SORCS3: variants seen among roughly 807,000 people sequenced by gnomAD.
SORCS3 encodes VPS10 domain-containing receptor SorCS3.
A neutral mutation model predicts 146.3 loss-of-function variants in SORCS3; 57 were observed. That is an observed-to-expected ratio of 0.39 (90% CI 0.31 to 0.49). SORCS3 has a LOEUF of 0.49. Ranked by LOEUF, SORCS3 falls within the 20% of genes least tolerant of loss-of-function variation. The probability of loss-of-function intolerance (pLI) is 0.92; values close to 1 mark genes in which losing one functional copy is unlikely to be tolerated. For synonymous variants in SORCS3, 653 were observed against 618.5 expected (o/e 1.06, Z -0.83); for missense variants, 1,341 against 1,575.5 (o/e 0.85, Z 2.52).
intron 3 of SORCS3, among the ~76,000 whole-genome samples, chr10:104,976,111 G>T (rs1021480739): frequency 1.3e-5 from 2 of 152,190 alleles, no homozygotes; most frequent in Non-Finnish European, 2.9e-5. Flanking sequence ...ACTACCATCA[G>T]AGTGAACAGG....
At position 104,641,900 on chromosome 10, in the gene SORCS3, C is replaced by T. The variant is rs756207732; in HGVS notation, c.573C>T (p.Thr191=). 54 of 1,595,228 alleles carry T rather than the reference C, an allele frequency of 3.4e-5. No homozygotes were observed. Among genetic ancestry groups the T allele is most frequent in the Non-Finnish European group, 4.1e-5 (48 of 1,176,754 alleles). ...LRLPSTSFAL[T]GDSAHNQAMV... is the part of the protein sequence containing the mutation. ...TGCCCAGCACCTCCTTCGCGCTGAC[C>T]GGGGACTCGGCCCACAACCAAGCCA... Residue 191 remains threonine (T), a synonymous_variant, in exon 1 of 27, where the codon ACC becomes ACT. Transcript: ENST00000369701. The surrounding 1 kb of genome is among the most constrained non-coding windows in gnomAD (Gnocchi z 6.4).
chr10:105,207,496 T>A (rs1487867852), intron 16 of SORCS3, among the ~76,000 whole-genome samples: 1 of 152,130 alleles, frequency 6.6e-6, no homozygotes, highest in East Asian at 1.9e-4. Context: ...AGCAGTAGAC[T>A]TCCCCGAGGC....
intron 1 of SORCS3, among the ~76,000 whole-genome samples, chr10:104,794,659 G>GAGAGAA (rs1564685573): frequency 6.1e-5 from 9 of 146,420 alleles, no homozygotes; most frequent in Non-Finnish European, 6.0e-5. Flanking sequence ...GAGAGAGAGA[G>GAGAGAA]AATATTATCC....
At chr10:105,039,437 G>A (rs1205322914) in intron 4 of SORCS3, among the ~76,000 whole-genome samples, 1 of 150,822 alleles carries the variant, frequency 6.6e-6, no homozygotes, top group Non-Finnish European at 1.5e-5. Flanking sequence ...GATCAGCAGT[G>A]GCTCTCTCGC....
chr10:105,092,200 T>C (rs1281466368), intron 6 of SORCS3, among the ~76,000 whole-genome samples: 1 of 152,232 alleles, frequency 6.6e-6, no homozygotes, highest in Non-Finnish European at 1.5e-5. Context: ...CGTGAAATTT[T>C]ATGAGATTAC....
chr10:105,060,893 C>T (rs1213226134), intron 5 of SORCS3, among the ~76,000 whole-genome samples: 3 of 151,532 alleles, frequency 2.0e-5, no homozygotes, highest in South Asian at 2.1e-4. Flanking sequence ...GCTGAGATCA[C>T]GCCATTGCAC....
At chr10:105,113,599 A>G (rs1405031614) in intron 7 of SORCS3, among the ~76,000 whole-genome samples, 1 of 152,132 alleles carries the variant, frequency 6.6e-6, no homozygotes, top group Admixed American at 6.5e-5. Context: ...CACAGCTCCT[A>G]CTATTTAGAG....
intron 20 of SORCS3, 83 bp from the exon 21 acceptor site, chr10:105,245,459 A>G: frequency 6.6e-7 from 1 of 1,514,904 alleles, no homozygotes. Flanking sequence ...CCAAGTTAGG[A>G]TGACAGTCTG....
At chr10:105,087,438 A>T (rs1296283146) in intron 5 of SORCS3, among the ~76,000 whole-genome samples, 1 of 151,362 alleles carries the variant, frequency 6.6e-6, no homozygotes, top group African/African-American at 2.4e-5. Context: ...CAGTGGTCAG[A>T]TATATTTGGG....
chr10:104,752,966 CA>C (rs550784514), intron 1 of SORCS3, among the ~76,000 whole-genome samples: 71 of 122,946 alleles, frequency 5.8e-4, no homozygotes, highest in African/African-American at 2.6e-3. Context: ...ACCAACCAAC[CA>C]AACAAACAAA....
At chr10:105,069,123 C>T (rs1327751068) in intron 5 of SORCS3, among the ~76,000 whole-genome samples, 3 of 152,170 alleles carry the variant, frequency 2.0e-5, no homozygotes, top group Non-Finnish European at 4.4e-5. Flanking sequence ...AACATCTTTC[C>T]AAACTCATAG....
At chr10:104,855,550 A>T (rs2018321292) in intron 2 of SORCS3, among the ~76,000 whole-genome samples, 1 of 151,762 alleles carries the variant, frequency 6.6e-6, no homozygotes, top group Non-Finnish European at 1.5e-5. Context: ...GTGTACACTT[A>T]TTTAAGTATT....
intron 1 of SORCS3, among the ~76,000 whole-genome samples, chr10:104,784,845 G>T (rs530745498): frequency 6.6e-6 from 1 of 152,282 alleles, no homozygotes; most frequent in African/African-American, 2.4e-5. Flanking sequence ...TTTTTCTTGG[G>T]CTGACAGGGC....
At chr10:104,690,151 G>T (rs1245983092) in intron 1 of SORCS3, among the ~76,000 whole-genome samples, 1 of 152,278 alleles carries the variant, frequency 6.6e-6, no homozygotes, top group East Asian at 1.9e-4. Context: ...CCTGTAGCTG[G>T]GAAGCTGGGA....
At chr10:104,737,598 T>G (rs1226915627) in intron 1 of SORCS3, among the ~76,000 whole-genome samples, 1 of 152,234 alleles carries the variant, frequency 6.6e-6, no homozygotes, top group African/African-American at 2.4e-5. Flanking sequence ...TGTCTGTTCA[T>G]ATCCTTTGCC....
intron 25 of SORCS3, among the ~76,000 whole-genome samples, chr10:105,258,415 T>C (rs1355363114): frequency 6.6e-6 from 1 of 152,196 alleles, no homozygotes; most frequent in African/African-American, 2.4e-5. Context: ...ATTTCACTTT[T>C]CACTCAGCCA....
At chr10:104,853,863 C>T (rs1376450556) in intron 2 of SORCS3, among the ~76,000 whole-genome samples, 1 of 152,138 alleles carries the variant, frequency 6.6e-6, no homozygotes, top group Non-Finnish European at 1.5e-5. Flanking sequence ...ATTTAAGAGG[C>T]CATCAGTTAT....
chr10:105,162,286 T>C (rs1358908704), intron 11 of SORCS3, among the ~76,000 whole-genome samples: 1 of 152,230 alleles, frequency 6.6e-6, no homozygotes, highest in Non-Finnish European at 1.5e-5. Flanking sequence ...AAGCTGTTGG[T>C]GAGAAAAGAT....
At chr10:104,808,377 A>G (rs575506251) in intron 1 of SORCS3, among the ~76,000 whole-genome samples, 2 of 152,340 alleles carry the variant, frequency 1.3e-5, no homozygotes, top group South Asian at 2.1e-4. Flanking sequence ...ATAAATTAGT[A>G]TAATGTGTAA....
Sources: gnomAD v4.1 joint callset for allele counts (sites outside exome capture counted in the v4.1 genomes callset) on GRCh38, gnomAD v4.1.1 for gene constraint, Gnocchi (gnomAD v3.1) non-coding constraint, MANE v1.5 for transcripts, NCBI Gene and HGNC (gene_info 2026-07-23, HGNC 2026-07-21) for gene names.